Variants in UNC5D observed in about 807,000 individuals in gnomAD.
The protein encoded by UNC5D is netrin receptor UNC5D.
A neutral mutation model predicts 105.4 loss-of-function variants in UNC5D; 39 were observed. The ratio of observed to expected loss-of-function variants is 0.37; its 90% CI spans 0.29 to 0.48. UNC5D has a LOEUF of 0.48. UNC5D is among the 20% of genes least tolerant of loss of function. The probability of loss-of-function intolerance (pLI) is 0.98; values close to 1 mark genes in which losing one functional copy is unlikely to be tolerated. For missense variants in UNC5D, 991 were observed against 1,202.4 expected, an observed-to-expected ratio of 0.82 and a Z score of 2.60; for synonymous variants, 452 against 450.4, an observed-to-expected ratio of 1.00 and a Z score of -0.04.
intron 1 of UNC5D, among the ~76,000 whole-genome samples, chr8:35,384,174 G>T (rs373617770): frequency 4.5e-4 from 68 of 150,146 alleles, no homozygotes; most frequent in Middle Eastern, 3.5e-3. Flanking sequence ...AGCCGAGATC[G>T]TGCCACTACA....
intron 1 of UNC5D, among the ~76,000 whole-genome samples, chr8:35,355,741 G>T (rs998142980): frequency 6.6e-6 from 1 of 152,072 alleles, no homozygotes; most frequent in African/African-American, 2.4e-5. Flanking sequence ...CATAAGGATG[G>T]AACCCTCATG....
intron 4 of UNC5D, among the ~76,000 whole-genome samples, chr8:35,644,294 C>G (rs1161258932): frequency 6.6e-6 from 1 of 152,040 alleles, no homozygotes; most frequent in Non-Finnish European, 1.5e-5. Flanking sequence ...TCCCATAGGA[C>G]AATTGTATAC....
At chr8:35,771,970 C>A (rs778760567) in intron 15 of UNC5D, among the ~76,000 whole-genome samples, 7 of 152,088 alleles carry the variant, frequency 4.6e-5, no homozygotes, top group Non-Finnish European at 8.8e-5. Flanking sequence ...AAGGTAGCAT[C>A]CAAGGTCACT....
At chr8:35,249,074 A>T (rs1399206531) in intron 1 of UNC5D, among the ~76,000 whole-genome samples, 108 of 119,612 alleles carry the variant, frequency 9.0e-4, no homozygotes, top group African/African-American at 3.4e-3. Context: ...TATATATAAT[A>T]TATAAAAGTT....
chr8:35,391,505 T>G (rs1803770127), intron 1 of UNC5D, among the ~76,000 whole-genome samples: 1 of 152,224 alleles, frequency 6.6e-6, no homozygotes, highest in Non-Finnish European at 1.5e-5. Context: ...TAGTCTATTC[T>G]GGGTCCATGC....
At position 35,568,198 on chromosome 8, in the gene UNC5D, C is replaced by T; in HGVS notation, c.423C>T (p.His141=). Residue 141 remains histidine (H), a synonymous_variant, in exon 3 of 17, where the codon CAC becomes CAT. Transcript: ENST00000404895. ...GGTGCCAGTGTGTGGCGTGGAGCCACCTGGGTACCTCCAAGAGCAGGAAGG... is the reference window on the plus strand; with the variant it reads ...GGTGCCAGTGTGTGGCGTGGAGCCATCTGGGTACCTCCAAGAGCAGGAAGG... The part of the protein sequence containing the change: ...DYWCQCVAWS[H]LGTSKSRKAS... The T allele has an allele frequency of 3.1e-6, 5 of 1,614,178 alleles. No individual in the cohort carries two copies. Among genetic ancestry groups the T allele is most frequent in the Non-Finnish European group, 4.2e-6 (5 of 1,180,024 alleles).
At chr8:35,677,389 T>C (rs1296694305) in intron 4 of UNC5D, among the ~76,000 whole-genome samples, 1 of 152,138 alleles carries the variant, frequency 6.6e-6, no homozygotes, top group African/African-American at 2.4e-5. Flanking sequence ...GGGGGTCTCG[T>C]ACCCAGCACC....
In UNC5D at chr8:35,475,552, C is replaced by T. The variant is rs142710634; in HGVS notation, c.104-73740C>T. Among the ~76,000 whole-genome samples the T allele has an allele frequency of 3.6e-3, 546 of 152,308 alleles. 7 individuals are homozygous for T. Among genetic ancestry groups the T allele is most frequent in the African/African-American group, 0.013 (521 of 41,580 alleles). On this transcript the variant is annotated intron_variant, in intron 1 of 16. Coordinates refer to ENST00000404895, the MANE Select transcript of UNC5D (RefSeq NM_080872.4). ...CCAGGGATTTCCCAAAGGAACCCAA[C>T]TATAGCTGTTTTTGCCAGTACTGGC...
chr8:35,716,599 T>C (rs1252401082), intron 8 of UNC5D, among the ~76,000 whole-genome samples: 1 of 152,210 alleles, frequency 6.6e-6, no homozygotes, highest in Non-Finnish European at 1.5e-5. Context: ...TAAAATGAGT[T>C]AATAAATGTA....
chr8:35,615,789 A>G (rs1438960492), intron 4 of UNC5D, among the ~76,000 whole-genome samples: 1 of 152,162 alleles, frequency 6.6e-6, no homozygotes, highest in Non-Finnish European at 1.5e-5. Context: ...AGTAGATAAC[A>G]TAAAGGCATC....
chr8:35,307,034 G>C (rs943316862), intron 1 of UNC5D, among the ~76,000 whole-genome samples: 1 of 152,000 alleles, frequency 6.6e-6, no homozygotes, highest in African/African-American at 2.4e-5. Flanking sequence ...CCAATCTTTT[G>C]GCTTCCCTGG....
At chr8:35,631,123 G>T (rs910003096) in intron 4 of UNC5D, among the ~76,000 whole-genome samples, 1 of 152,108 alleles carries the variant, frequency 6.6e-6, no homozygotes, top group African/African-American at 2.4e-5. Flanking sequence ...GACGAGCCTG[G>T]GCAACACGGT....
intron 1 of UNC5D, among the ~76,000 whole-genome samples, chr8:35,536,454 A>G (rs1450074493): frequency 6.6e-6 from 1 of 152,218 alleles, no homozygotes; most frequent in African/African-American, 2.4e-5. Context: ...CTCATTAAGA[A>G]ACTGAAAACA....
At chr8:35,421,864 A>G (rs556761861) in intron 1 of UNC5D, among the ~76,000 whole-genome samples, 9 of 152,284 alleles carry the variant, frequency 5.9e-5, no homozygotes, top group Middle Eastern at 3.4e-3. Flanking sequence ...TAAAACTTAA[A>G]CTCATCATAT....
chr8:35,721,394 G>A (rs964821931), intron 8 of UNC5D: 3 of 702,528 alleles, frequency 4.3e-6, no homozygotes, highest in Non-Finnish European at 7.8e-6. Flanking sequence ...GGGTGGGGAG[G>A]CACCCACATT....
At chr8:35,549,203 ATCT>A (rs1815920460) in intron 1 of UNC5D, 86 bp from the exon 2 acceptor site, 3 of 1,219,466 alleles carry the variant, frequency 2.5e-6, no homozygotes, top group Non-Finnish European at 3.5e-6. Flanking sequence ...CCAGCACAGA[ATCT>A]TAGAGCTGGT....
At chr8:35,413,380 GA>G (rs921291101) in intron 1 of UNC5D, among the ~76,000 whole-genome samples, 19 of 142,238 alleles carry the variant, frequency 1.3e-4, no homozygotes, top group Admixed American at 4.2e-4. Flanking sequence ...TACAGACTTT[GA>G]AAAAAAAAAG....
intron 15 of UNC5D, among the ~76,000 whole-genome samples, chr8:35,770,171 G>T (rs543361874): frequency 1.6e-4 from 24 of 152,208 alleles, no homozygotes; most frequent in Non-Finnish European, 3.1e-4. Flanking sequence ...GGCAGGAAAA[G>T]ACATTTAGGT....
Position 35,751,158 on chromosome 8 carries a change from C to G in UNC5D, c.2163+349C>G, listed in dbSNP as rs552595044. 3.9e-5 allele frequency among the ~76,000 whole-genome samples: 6 copies of G among 152,196 alleles called. No individual in the cohort carries two copies. In the South Asian group the frequency reaches 1.2e-3, roughly 32 times the overall value. ...TGACTGGTTGCTTCAGAGATGAAGT[C>G]ATAGGGAGTCTAAGCTGTCTTATTG... On this transcript the variant is annotated intron_variant, in intron 13 of 16. Transcript: ENST00000404895.
Sources: gnomAD v4.1 joint callset for allele counts (sites outside exome capture counted in the v4.1 genomes callset) on GRCh38, gnomAD v4.1.1 for gene constraint, MANE v1.5 for transcripts, NCBI Gene and HGNC (gene_info 2026-07-23, HGNC 2026-07-21) for gene names.